TGFB3: variants seen among roughly 807,000 people sequenced by gnomAD.
The protein encoded by TGFB3 is transforming growth factor beta-3 proprotein.
Under a neutral mutation model 40.1 loss-of-function variants are expected in TGFB3, and 5 were observed. The ratio of observed to expected loss-of-function variants is 0.12; its 90% CI spans 0.07 to 0.26. The LOEUF is 0.26. Among genes scored for constraint, TGFB3 ranks in the 10% least tolerant of loss-of-function variants. The pLI is 1.00. For missense variants in TGFB3, 373 were observed against 530.1 expected, an observed-to-expected ratio of 0.70 and a Z score of 2.91; for synonymous variants, 184 against 205.6, an observed-to-expected ratio of 0.89 and a Z score of 0.90.
chr14:75,975,391 A>T (rs867552669), intron 1 of TGFB3, among the ~76,000 whole-genome samples: 21 of 104,338 alleles, frequency 2.0e-4, no homozygotes, highest in Admixed American at 1.2e-3. Flanking sequence ...AAAATTAATT[A>T]AAAAAAAGAA....
In TGFB3 at chr14:75,962,028, C is replaced by T. The variant is rs114741796; in HGVS notation, c.927-952G>A. On this transcript the variant is annotated intron_variant, in intron 5 of 6. Transcript: ENST00000238682. ...TCTGGCTCTTCCCCTTCCCTCATTCCTTCTTGTCTTAAATGTGGACAAGGT... is the reference window on the plus strand; with the variant it reads ...TCTGGCTCTTCCCCTTCCCTCATTCTTTCTTGTCTTAAATGTGGACAAGGT... Among the ~76,000 whole-genome samples the T allele has an allele frequency of 4.1e-3, 626 of 152,268 alleles. 8 individuals carry two copies. Among genetic ancestry groups the T allele is most frequent in the African/African-American group, 0.014 (583 of 41,552 alleles).
intron 3 of TGFB3, among the ~76,000 whole-genome samples, chr14:75,969,027 C>CACTCAAGGGG (rs1276033892): frequency 6.6e-6 from 1 of 152,186 alleles, no homozygotes; most frequent in African/African-American, 2.4e-5. Context: ...GTACTCATCT[C>CACTCAAGGGG]TGACGGATGG....
chr14:75,970,210 C>T (rs1215726959), intron 3 of TGFB3, among the ~76,000 whole-genome samples: 5 of 152,130 alleles, frequency 3.3e-5, no homozygotes, highest in South Asian at 2.1e-4. Flanking sequence ...CACTCCCACA[C>T]TTCTCATCAC....
At chr14:75,973,782 C>T (rs1168293678) in intron 1 of TGFB3, among the ~76,000 whole-genome samples, 1 of 152,044 alleles carries the variant, frequency 6.6e-6, no homozygotes, top group Non-Finnish European at 1.5e-5. Context: ...AAATAAATAA[C>T]ACAGCTCCAG....
At chr14:75,976,124 C>G (rs2035351017) in intron 1 of TGFB3, among the ~76,000 whole-genome samples, 1 of 152,208 alleles carries the variant, frequency 6.6e-6, no homozygotes, top group Admixed American at 6.5e-5. Flanking sequence ...GTTCAGACAC[C>G]TGGGTGGCTA....
Position 75,971,850 on chromosome 14 carries a change from A to G in TGFB3, c.353-132T>C. 1.1e-6 allele frequency: 1 copy of G among 921,890 alleles called. No individual in the cohort carries two copies. The highest frequency in any genetic ancestry group is 1.7e-6 in the Non-Finnish European group (1 of 593,916). The allele number at this position is 921,890 out of a possible 1,614,324, so 57.1% of individuals were successfully genotyped here. A position where few individuals can be genotyped will look rare whatever the true frequency, so the allele number is the denominator to read the frequency against. ...CTAGAGGCTTGAGGCCTCAGACCGC[A>G]AGGTGGAGATACGAGGAAGATTCTT... On this transcript the variant is annotated intron_variant, in intron 1 of 6. Transcript: ENST00000238682. This position sits in a 1 kb window ranked among gnomAD's most constrained non-coding sequence, Gnocchi z 4.5.
chr14:75,978,440 G>A lies in TGFB3; in HGVS notation c.352+2102C>T, dbSNP rs1014286839. ...CTCAGCACCCGACCAGCTGCAGGGC[G>A]GGCCCAGGTCCGTCTGCTCAGCCTC... On this transcript the variant is annotated intron_variant, in intron 1 of 6. Transcript: ENST00000238682. The surrounding 1 kb of genome is among the most constrained non-coding windows in gnomAD (Gnocchi z 5.0). Among the ~76,000 whole-genome samples, 3 of 152,148 alleles carry A rather than the reference G, an allele frequency of 2.0e-5. No individual in the cohort carries two copies. Among genetic ancestry groups the A allele is most frequent in the Non-Finnish European group, 2.9e-5 (2 of 68,030 alleles).
At chr14:75,960,621 G>A (rs2035144301) in intron 6 of TGFB3, among the ~76,000 whole-genome samples, 1 of 152,214 alleles carries the variant, frequency 6.6e-6, no homozygotes, top group Non-Finnish European at 1.5e-5. Flanking sequence ...TTCCTTGCCA[G>A]CCACATGCAC....
chr14:75,961,938 G>T (rs1326497415), intron 5 of TGFB3, among the ~76,000 whole-genome samples: 1 of 152,168 alleles, frequency 6.6e-6, no homozygotes. Flanking sequence ...TATGCAGGGG[G>T]TAAGGGCAAG....
At position 75,963,748 on chromosome 14, in the gene TGFB3, T is replaced by G. The variant is rs960653396; in HGVS notation, c.755-261A>C. On this transcript the variant is annotated intron_variant, in intron 4 of 6. Coordinates refer to ENST00000238682, the MANE Select transcript of TGFB3 (RefSeq NM_003239.5). Reference sequence around the variant, plus strand: ...GCCCCGTGTTCAGATCCCCATACCCTTGTATAGAAATCTTCCAAGGGGCAG... The same window carrying G: ...GCCCCGTGTTCAGATCCCCATACCCGTGTATAGAAATCTTCCAAGGGGCAG... Among the ~76,000 whole-genome samples, 4 of 152,196 alleles carry G rather than the reference T, an allele frequency of 2.6e-5. No individual in the cohort carries two copies. The East Asian group carries it at 7.7e-4, about 29-fold the overall frequency.
rs1016839318 is a variant in TGFB3 at position 75,981,830 on chromosome 14, AGCTG to A, written c.-941_-938del. On this transcript the variant is annotated 5_prime_UTR_variant, in exon 1 of 7. Transcript: ENST00000238682. This position sits in a 1 kb window ranked among gnomAD's most constrained non-coding sequence, Gnocchi z 4.7. ...AGTTCACGGCACGCCTGCTCCGGAA[AGCTG>A]TTATTCCTTCTCTCGCACGCCTCTT... 1 of 152,290 alleles carries A rather than the reference AGCTG, an allele frequency of 6.6e-6. No individual in the cohort carries two copies. The highest frequency in any genetic ancestry group is 2.4e-5 in the African/African-American group (1 of 41,430). 9.4% of individuals were successfully genotyped at this position (152,290 alleles called of 1,614,324 possible). A position where few individuals can be genotyped will look rare whatever the true frequency, so the allele number is the denominator to read the frequency against.
At chr14:75,969,701 G>A (rs2035264977) in intron 3 of TGFB3, among the ~76,000 whole-genome samples, 1 of 152,100 alleles carries the variant, frequency 6.6e-6, no homozygotes, top group African/African-American at 2.4e-5. Context: ...CTTGCATGAC[G>A]ACCCGGCCTT....
rs2035405127 is a variant in TGFB3, at chr14:75,980,047, C to T, written c.352+495G>A. Among the ~76,000 whole-genome samples the T allele has an allele frequency of 6.6e-6, 1 of 152,156 alleles. No individual in the cohort carries two copies. Among genetic ancestry groups the T allele is most frequent in the Non-Finnish European group, 1.5e-5 (1 of 68,024 alleles). On this transcript the variant is annotated intron_variant, in intron 1 of 6. Transcript: ENST00000238682. This position sits in a 1 kb window ranked among gnomAD's most constrained non-coding sequence, Gnocchi z 4.3. ...AAGCTTGACAGACATTAATTTGGGG[C>T]AGGTATTCTTCTTCCCAAGAACTGG...
chr14:75,959,998 A>C (rs2035135836), intron 6 of TGFB3, among the ~76,000 whole-genome samples: 1 of 116,532 alleles, frequency 8.6e-6, no homozygotes, highest in Non-Finnish European at 1.6e-5. Flanking sequence ...GCTGAAGTGC[A>C]GTGGTGCAAT....
chr14:75,959,791 CT>C (rs2035131126), intron 6 of TGFB3, among the ~76,000 whole-genome samples: 1 of 150,592 alleles, frequency 6.6e-6, no homozygotes, highest in South Asian at 2.1e-4. Flanking sequence ...AAAAAAAAAA[CT>C]GTTGGAACCT....
chr14:75,959,919 G>A (rs1462543371), intron 6 of TGFB3, among the ~76,000 whole-genome samples: 28 of 123,132 alleles, frequency 2.3e-4, no homozygotes, highest in East Asian at 5.1e-4. Context: ...CACTGATAAC[G>A]AATTATCTTG....
chr14:75,963,727 C>T (rs1280494821), intron 4 of TGFB3, among the ~76,000 whole-genome samples: 2 of 152,168 alleles, frequency 1.3e-5, no homozygotes, highest in Admixed American at 6.5e-5. Context: ...AAAGATGCCC[C>T]GTGTTCAGAT....
chr14:75,971,771 A>G lies in TGFB3; in HGVS notation c.353-53T>C. 4 of 1,602,000 alleles carry G rather than the reference A, an allele frequency of 2.5e-6. No individual in the cohort carries two copies. The highest frequency in any genetic ancestry group is 2.7e-5 in the African/African-American group (2 of 74,832). Reference sequence around the variant, plus strand: ...CAGCATGAGCGAGACATGCAGGAACAGTGTGCTGCCAACGGACAGGCACCA... The same window carrying G: ...CAGCATGAGCGAGACATGCAGGAACGGTGTGCTGCCAACGGACAGGCACCA... On this transcript the variant is annotated intron_variant, in intron 1 of 6. Transcript: ENST00000238682. This position sits in a 1 kb window ranked among gnomAD's most constrained non-coding sequence, Gnocchi z 4.5.
rs1385755173 is a variant in TGFB3 at position 75,958,774 on chromosome 14, A to G, written c.*413T>C. 3.1e-6 allele frequency: 1 copy of G among 322,486 alleles called. No homozygotes were observed. The highest frequency in any genetic ancestry group is 4.0e-5 in the Admixed American group (1 of 25,074). 20.0% of individuals were successfully genotyped at this position (322,486 alleles called of 1,614,324 possible). ...TCCCTAGAGCAGATGTGGTACAGCA[A>G]TGAGCAAATCCAACCTCAGATCTGA... On this transcript the variant is annotated 3_prime_UTR_variant, in exon 7 of 7. Coordinates refer to ENST00000238682, the MANE Select transcript of TGFB3 (RefSeq NM_003239.5).
Sources: gnomAD v4.1 joint callset for allele counts (sites outside exome capture counted in the v4.1 genomes callset) on GRCh38, gnomAD v4.1.1 for gene constraint, Gnocchi (gnomAD v3.1) non-coding constraint, MANE v1.5 for transcripts, NCBI Gene and HGNC (gene_info 2026-07-23, HGNC 2026-07-21) for gene names.